Variants in SLC9C1 observed in about 807,000 individuals in gnomAD.
SLC9C1 encodes sodium/hydrogen exchanger 10.
SLC9C1 carries 97 observed loss-of-function variants against 140.9 expected under a neutral mutation model. That is an observed-to-expected ratio of 0.69 (90% CI 0.58 to 0.82). The LOEUF (loss-of-function observed/expected upper bound fraction) is 0.82, where lower values mean the gene tolerates loss of function less well. Ranked by LOEUF, SLC9C1 falls within the 40% of genes least tolerant of loss-of-function variation. The probability of loss-of-function intolerance (pLI) is 0.00; values close to 1 mark genes in which losing one functional copy is unlikely to be tolerated. For missense variants in SLC9C1, 1,340 were observed against 1,389.3 expected (o/e 0.96, Z 0.56); for synonymous variants, 440 against 442.6 (o/e 0.99, Z 0.07).
At chr3:112,236,076 T>G (rs2078977481) in intron 12 of SLC9C1, among the ~76,000 whole-genome samples, 3 of 152,316 alleles carry the variant, frequency 2.0e-5, no homozygotes, top group Admixed American at 2.0e-4. Flanking sequence ...CTGGTAGAAT[T>G]CGGCTGTGAA....
intron 20 of SLC9C1, among the ~76,000 whole-genome samples, chr3:112,193,880 T>C (rs2077716348): frequency 6.6e-6 from 1 of 152,028 alleles, no homozygotes. Flanking sequence ...GTTTTCCTGC[T>C]ATGTGGGACC....
At chr3:112,157,134 T>C (rs1560010155) in intron 26 of SLC9C1, among the ~76,000 whole-genome samples, 1 of 152,016 alleles carries the variant, frequency 6.6e-6, no homozygotes, top group Admixed American at 6.6e-5. Flanking sequence ...TTTTTTTTTG[T>C]AGTTTTACAG....
intron 15 of SLC9C1, among the ~76,000 whole-genome samples, chr3:112,210,682 C>T (rs550764441): frequency 3.6e-4 from 54 of 152,012 alleles, no homozygotes; most frequent in Non-Finnish European, 6.8e-4. Flanking sequence ...AATACTATTC[C>T]TATCCTTTTT....
Position 112,241,046 on chromosome 3 carries a change from G to T in SLC9C1, c.1280-1040C>A, listed in dbSNP as rs1021122721. ...ACAAAAATATAGAAAGAATAAATAAGACTTACTATTTGACAACACAATAAG... is the reference window on the plus strand; with the variant it reads ...ACAAAAATATAGAAAGAATAAATAATACTTACTATTTGACAACACAATAAG... On this transcript the variant is annotated intron_variant, in intron 11 of 28. Coordinates refer to ENST00000305815, the MANE Select transcript of SLC9C1 (RefSeq NM_183061.3). Among the ~76,000 whole-genome samples, 6 of 152,070 alleles carry T rather than the reference G, an allele frequency of 3.9e-5. No individual in the cohort carries two copies. The East Asian group carries it at 1.2e-3, about 29-fold the overall frequency.
At chr3:112,255,280 A>G (rs1479431986) in intron 10 of SLC9C1, among the ~76,000 whole-genome samples, 1 of 152,166 alleles carries the variant, frequency 6.6e-6, no homozygotes, top group Non-Finnish European at 1.5e-5. Flanking sequence ...AACAGAATAT[A>G]CATTCTTCTC....
chr3:112,249,210 A>T (rs1035149573), intron 10 of SLC9C1, among the ~76,000 whole-genome samples: 25 of 151,922 alleles, frequency 1.6e-4, no homozygotes, highest in Non-Finnish European at 2.5e-4. Context: ...AAGTAATCAC[A>T]TGATTCCAGT....
intron 28 of SLC9C1, among the ~76,000 whole-genome samples, chr3:112,149,072 G>T (rs1006433645): frequency 6.6e-6 from 1 of 151,854 alleles, no homozygotes; most frequent in Admixed American, 6.6e-5. Context: ...CAGGCTGCTG[G>T]CCCAAGGAAG....
At chr3:112,203,014 G>A (rs10511309) in intron 17 of SLC9C1, among the ~76,000 whole-genome samples, 68,948 of 151,606 alleles carry the variant, frequency 0.45, 16,165 homozygotes, top group East Asian at 0.63. Flanking sequence ...TCTCCAAAGG[G>A]TTTACACTCA....
chr3:112,277,906 T>C (rs779269125), intron 4 of SLC9C1, 46 bp from the exon 5 acceptor site: 3 of 1,465,430 alleles, frequency 2.0e-6, no homozygotes, highest in Non-Finnish European at 2.8e-6. Context: ...GCTTTTGTAG[T>C]CCATTTTAAG....
At chr3:112,230,508 A>G (rs906795339) in intron 13 of SLC9C1, among the ~76,000 whole-genome samples, 5 of 152,224 alleles carry the variant, frequency 3.3e-5, no homozygotes, top group African/African-American at 9.6e-5. Context: ...CTTCATCCTC[A>G]TGGCACGGCC....
chr3:112,225,013 T>C (rs538648592), intron 13 of SLC9C1, among the ~76,000 whole-genome samples: 3 of 152,058 alleles, frequency 2.0e-5, no homozygotes, highest in African/African-American at 7.2e-5. Context: ...TGAAAAGATA[T>C]AGACATCTAG....
chr3:112,221,248 C>A, intron 13 of SLC9C1, 23 bp from the exon 14 acceptor site: 1 of 1,572,878 alleles, frequency 6.4e-7, no homozygotes, highest in South Asian at 1.1e-5. Context: ...TAATTCAAGT[C>A]ATTATATAGC....
chr3:112,182,160 T>A lies in SLC9C1; in HGVS notation c.2622A>T (p.Lys874Asn). ...EVLYHIPWLD[K>N]NKDYINFIQE... The stretch of plus-strand genomic sequence containing the variant: ...GAATGAAGTTTATATAATCTTTGTT[T>A]TTATCTAGCCACGGAATATGATATA... The change falls in exon 21 of 29, where the codon AAA becomes AAT. Residue 874 changes from lysine (K) to asparagine (N), a missense_variant. Lys to Asn is a moderately conservative substitution (Grantham distance 94, BLOSUM62 0). Coordinates refer to ENST00000305815, the MANE Select transcript of SLC9C1 (RefSeq NM_183061.3). The A allele has an allele frequency of 6.3e-7, 1 of 1,577,174 alleles. No individual in the cohort carries two copies. The highest frequency in any genetic ancestry group is 1.2e-5 in the South Asian group (1 of 81,102).
intron 10 of SLC9C1, among the ~76,000 whole-genome samples, chr3:112,253,080 CT>C (rs2079508578): frequency 1.3e-5 from 2 of 152,210 alleles, no homozygotes; most frequent in Non-Finnish European, 2.9e-5. Context: ...AGTAACCAGA[CT>C]GTTATGTGGG....
rs1576533487 is a variant in SLC9C1 at position 112,286,770 on chromosome 3, A to C, written c.22T>G (p.Phe8Val). ...GGGAGGTCCTCAGTACTGAAAAAAA[A>C]CTCCTTAAATATTCCAGCCATGTTT... MAGIFKE[F>V]FFSTEDLPEV... The change falls in exon 2 of 29, where the codon TTT (phenylalanine) becomes GTT (valine). Residue 8 changes from phenylalanine to valine, a missense_variant. Phe to Val is a conservative substitution (Grantham distance 50). Transcript: ENST00000305815. The C allele has an allele frequency of 1.2e-6, 2 of 1,612,180 alleles. No individual in the cohort carries two copies. Among genetic ancestry groups the C allele is most frequent in the Non-Finnish European group, 8.5e-7 (1 of 1,179,302 alleles).
At chr3:112,185,684 T>A (rs1460472438) in intron 20 of SLC9C1, 5 of 1,548,600 alleles carry the variant, frequency 3.2e-6, no homozygotes, top group Admixed American at 3.9e-5. Context: ...TCCGGAGGCG[T>A]GCACGCTCGT....
intron 7 of SLC9C1, among the ~76,000 whole-genome samples, chr3:112,267,020 C>T (rs1358225323): frequency 6.6e-6 from 1 of 152,164 alleles, no homozygotes; most frequent in African/African-American, 2.4e-5. Context: ...GTGGCTCATA[C>T]CTATAATTCC....
chr3:112,204,435 G>A, intron 16 of SLC9C1, 32 bp from the exon 17 acceptor site: 1 of 1,529,802 alleles, frequency 6.5e-7, no homozygotes, highest in Non-Finnish European at 8.7e-7. Flanking sequence ...ACATTATCAT[G>A]TTTGTTTCTG....
chr3:112,268,353 G>A (rs1392100124), intron 7 of SLC9C1, among the ~76,000 whole-genome samples: 3 of 151,948 alleles, frequency 2.0e-5, no homozygotes, highest in African/African-American at 7.3e-5. Flanking sequence ...CTCTTCAGAG[G>A]GAAAAATAAT....
Sources: allele counts gnomAD v4.1 joint callset (sites outside exome capture counted in the v4.1 genomes callset), GRCh38; gene constraint gnomAD v4.1.1; transcripts MANE v1.5; gene names NCBI Gene and HGNC (gene_info 2026-07-23, HGNC 2026-07-21).